The following RFPL1 variants were observed in gnomAD, a reference collection of about 807,000 sequenced individuals.
The protein encoded by RFPL1 is ret finger protein-like 1.
Under a neutral mutation model 9.6 loss-of-function variants are expected in RFPL1, and 6 were observed. That is an observed-to-expected ratio of 0.62 (90% CI 0.34 to 1.23). RFPL1 has a LOEUF of 1.23. Ranked by LOEUF, RFPL1 falls within the 50% of genes most tolerant of loss-of-function variation. RFPL1 has a pLI of 0.03. For synonymous variants in RFPL1, 145 were observed against 149.4 expected (o/e 0.97, Z 0.22); for missense variants, 352 against 398.4 (o/e 0.88, Z 0.99).
At chr22:29,441,798 C>A (rs199689739) in exon 2 of RFPL1, 4 of 1,613,810 alleles carry the variant, frequency 2.5e-6, no homozygotes, top group Non-Finnish European at 3.4e-6. Context: ...TCCATCTGAC[C>A]ACAGAGCGTG....
upstream of RFPL1, among the ~76,000 whole-genome samples, chr22:29,435,525 G>A (rs573375818): frequency 6.6e-6 from 1 of 152,274 alleles, no homozygotes; most frequent in African/African-American, 2.4e-5. Flanking sequence ...GAATCCAGCA[G>A]AGAGCAAACC....
the RFPL1 span, among the ~76,000 whole-genome samples, chr22:29,418,912 A>G: frequency 5.4e-4 from 82 of 152,172 alleles, no homozygotes; most frequent in East Asian, 9.7e-4. Context: ...CCACTCCATC[A>G]CCTGCTGCCT....
the RFPL1 span, chr22:29,388,448 G>A: frequency 3.8e-3 from 572 of 152,416 alleles, 6 homozygotes; most frequent in Admixed American, 0.012. Flanking sequence ...AGCTCCCGGC[G>A]CCCCGGCTCG....
At chr22:29,405,201 T>A in the RFPL1 span, among the ~76,000 whole-genome samples, 1 of 152,284 alleles carries the variant, frequency 6.6e-6, no homozygotes, top group Admixed American at 6.5e-5. Flanking sequence ...AAGTACAGGA[T>A]TGCTTTGGAA....
the RFPL1 span, among the ~76,000 whole-genome samples, chr22:29,418,014 C>T: frequency 6.6e-6 from 1 of 151,164 alleles, no homozygotes; most frequent in Admixed American, 6.6e-5. Context: ...TCACTGCAGC[C>T]TCTGCCTCCT....
the RFPL1 span, among the ~76,000 whole-genome samples, chr22:29,418,094 C>T: frequency 7.2e-5 from 11 of 152,064 alleles, no homozygotes; most frequent in African/African-American, 2.7e-4. Context: ...CCATACCCAG[C>T]TAATTTTTGT....
At chr22:29,427,328 G>A in the RFPL1 span, among the ~76,000 whole-genome samples, 1 of 152,236 alleles carries the variant, frequency 6.6e-6, no homozygotes, top group Non-Finnish European at 1.5e-5. Context: ...TGAGCCACAT[G>A]AGTGAGGGAG....
chr22:29,414,429 T>C, the RFPL1 span, among the ~76,000 whole-genome samples: 25 of 152,228 alleles, frequency 1.6e-4, no homozygotes, highest in African/African-American at 5.8e-4. Flanking sequence ...AAGACATTGC[T>C]TAGTCCAAAT....
chr22:29,398,078 G>A, the RFPL1 span, among the ~76,000 whole-genome samples: 9 of 152,298 alleles, frequency 5.9e-5, no homozygotes, highest in Admixed American at 1.3e-4. Flanking sequence ...TGGCTCATCC[G>A]CTCTACCCTG....
exon 2 of RFPL1, chr22:29,441,561 C>T (rs372400572): frequency 5.2e-5 from 83 of 1,601,848 alleles, no homozygotes; most frequent in Admixed American, 3.5e-5. Context: ...CCTTGGATGC[C>T]GACACAGCCA....
chr22:29,407,043 CAAGTA>C, the RFPL1 span, among the ~76,000 whole-genome samples: 3 of 151,494 alleles, frequency 2.0e-5, no homozygotes, highest in Non-Finnish European at 2.9e-5. Context: ...TACAACTACA[CAAGTA>C]AAGTAATATT....
chr22:29,406,203 A>G, the RFPL1 span, among the ~76,000 whole-genome samples: 3 of 148,892 alleles, frequency 2.0e-5, no homozygotes, highest in African/African-American at 7.4e-5. Context: ...ATGCCCATGG[A>G]AACAGTGAAG....
the RFPL1 span, among the ~76,000 whole-genome samples, chr22:29,423,695 C>T: frequency 6.6e-6 from 1 of 152,210 alleles, no homozygotes; most frequent in East Asian, 1.9e-4. Flanking sequence ...CACGATGTTA[C>T]CCTATACAGT....
At position 29,442,027 on chromosome 22, in the gene RFPL1, AGTCC is replaced by A. The variant is rs748022028; in HGVS notation, c.860_863del (p.Ser287AsnfsTer9). ...ACTGCACTTGTTTTTTGCTCCTCCA[AGTCC>A]ACCTAATGGTGATAAGAGTGTCTTG... On this transcript the variant is annotated frameshift_variant, in exon 2 of 2. Transcript: ENST00000354373. LOFTEE classifies it low-confidence loss of function (END_TRUNC). 6.8e-6 allele frequency: 11 copies of A among 1,614,114 alleles called. No individual in the cohort carries two copies. The Admixed American group carries it at 1.8e-4, about 27-fold the overall frequency.
the RFPL1 span, among the ~76,000 whole-genome samples, chr22:29,423,505 C>G: frequency 6.6e-6 from 1 of 152,110 alleles, no homozygotes; most frequent in Non-Finnish European, 1.5e-5. Flanking sequence ...TGTGAGCCAC[C>G]ACACCTGATC....
the RFPL1 span, among the ~76,000 whole-genome samples, chr22:29,398,443 C>T: frequency 6.2e-4 from 95 of 152,342 alleles, 3 homozygotes; most frequent in South Asian, 0.019. Flanking sequence ...AATATCCCCA[C>T]GGGGCAGGCA....
chr22:29,412,421 G>T, the RFPL1 span, among the ~76,000 whole-genome samples: 1 of 152,018 alleles, frequency 6.6e-6, no homozygotes, highest in African/African-American at 2.4e-5. Flanking sequence ...AGGTGGGGAG[G>T]GACACGAGTT....
chr22:29,390,398 GTTA>G, the RFPL1 span, among the ~76,000 whole-genome samples: 7 of 152,030 alleles, frequency 4.6e-5, 1 homozygote, highest in South Asian at 1.5e-3. Context: ...GCCTTTAAAA[GTTA>G]TTTTTAAATA....
the RFPL1 span, among the ~76,000 whole-genome samples, chr22:29,388,090 C>A: frequency 1.4e-3 from 213 of 152,310 alleles, 2 homozygotes; most frequent in Middle Eastern, 0.031. Context: ...TCAGGATGGC[C>A]ATGGAGGTGA....
Sources: gnomAD v4.1 joint callset for allele counts (sites outside exome capture counted in the v4.1 genomes callset) on GRCh38, gnomAD v4.1.1 for gene constraint, MANE v1.5 for transcripts, NCBI Gene and HGNC (gene_info 2026-07-23, HGNC 2026-07-21) for gene names.